NRXN3: variants seen among roughly 807,000 people sequenced by gnomAD.
NRXN3 encodes neurexin 3.
Under a neutral mutation model 137.6 loss-of-function variants are expected in NRXN3, and 32 were observed. The observed-to-expected ratio is 0.23, with a 90% CI of 0.18 to 0.31. The LOEUF is 0.31. Ranked by LOEUF, NRXN3 falls within the 10% of genes least tolerant of loss-of-function variation. The pLI, the probability that NRXN3 is intolerant of heterozygous loss-of-function variation, is 1.00. For synonymous variants in NRXN3, 798 were observed against 784.5 expected (o/e 1.02, Z -0.29); for missense variants, 1,574 against 2,062.5 (o/e 0.76, Z 4.59).
intron 15 of NRXN3, among the ~76,000 whole-genome samples, chr14:79,352,080 G>A (rs2093237288): frequency 6.6e-6 from 1 of 152,192 alleles, no homozygotes; most frequent in Admixed American, 6.6e-5. Context: ...ATTGATGTTG[G>A]TTGCAAATAA....
intron 16 of NRXN3, among the ~76,000 whole-genome samples, chr14:79,514,406 C>A (rs993107029): frequency 6.6e-6 from 1 of 152,112 alleles, no homozygotes; most frequent in South Asian, 2.1e-4. Flanking sequence ...CCATTTTCCT[C>A]AACTTAGTCC....
At chr14:78,374,884 C>T (rs1036073048) in intron 4 of NRXN3, among the ~76,000 whole-genome samples, 2 of 151,924 alleles carry the variant, frequency 1.3e-5, no homozygotes, top group Non-Finnish European at 2.9e-5. Flanking sequence ...TCTATAATCA[C>T]AATCACCACT....
intron 6 of NRXN3, among the ~76,000 whole-genome samples, chr14:78,657,322 A>G (rs563625384): frequency 2.0e-5 from 3 of 152,294 alleles, no homozygotes; most frequent in African/African-American, 7.2e-5. Context: ...ACTCAAGCCC[A>G]TCACAGTTTC....
In NRXN3 at chr14:78,296,393, T is replaced by C. The variant is rs912542235; in HGVS notation, c.728-1438T>C. Among the ~76,000 whole-genome samples, 31 of 152,322 alleles carry C rather than the reference T, an allele frequency of 2.0e-4. No individual in the cohort carries two copies. The Middle Eastern group carries it at 0.01, about 50-fold the overall frequency. On this transcript the variant is annotated intron_variant, in intron 3 of 20. Transcript: ENST00000335750. ...ACCTACTGAATTCATACACCTGTTC[T>C]GTTCCTGTTCCCCTTGCCACATACT...
At chr14:78,413,393 C>A (rs2092946232) in intron 4 of NRXN3, among the ~76,000 whole-genome samples, 1 of 152,228 alleles carries the variant, frequency 6.6e-6, no homozygotes, top group East Asian at 1.9e-4. Context: ...TCAAGCGATT[C>A]TCCTGCCTCA....
intron 17 of NRXN3, among the ~76,000 whole-genome samples, chr14:79,667,247 A>G (rs2098565077): frequency 6.6e-6 from 1 of 152,204 alleles, no homozygotes; most frequent in South Asian, 2.1e-4. Flanking sequence ...TTATTATTTT[A>G]TCAATAACAG....
intron 14 of NRXN3, among the ~76,000 whole-genome samples, chr14:78,971,635 T>C (rs143707033): frequency 3.5e-4 from 54 of 152,202 alleles, no homozygotes; most frequent in Non-Finnish European, 5.9e-4. Context: ...ATTTTATTGA[T>C]TGAGTGAGTG....
chr14:79,127,231 T>C (rs1390657785), intron 15 of NRXN3, among the ~76,000 whole-genome samples: 1 of 152,242 alleles, frequency 6.6e-6, no homozygotes, highest in Non-Finnish European at 1.5e-5. Flanking sequence ...TTTGGTGTTT[T>C]AGACATGAAG....
At chr14:78,537,438 C>T (rs1194131808) in intron 4 of NRXN3, among the ~76,000 whole-genome samples, 2 of 152,156 alleles carry the variant, frequency 1.3e-5, no homozygotes, top group East Asian at 1.9e-4. Context: ...CATATCTTTG[C>T]CCACTTTTTG....
At chr14:78,758,239 A>G (rs1032701983) in intron 8 of NRXN3, among the ~76,000 whole-genome samples, 2 of 152,198 alleles carry the variant, frequency 1.3e-5, no homozygotes, top group African/African-American at 2.4e-5. Flanking sequence ...TAATCTGTAC[A>G]ATGAACGTAT....
intron 16 of NRXN3, among the ~76,000 whole-genome samples, chr14:79,636,121 A>G (rs907044677): frequency 6.6e-6 from 1 of 152,218 alleles, no homozygotes; most frequent in African/African-American, 2.4e-5. Flanking sequence ...TTGAGTTAGG[A>G]TGCATTCTAA....
intron 6 of NRXN3, among the ~76,000 whole-genome samples, chr14:78,682,029 G>A (rs1351160934): frequency 4.0e-5 from 6 of 151,886 alleles, no homozygotes; most frequent in East Asian, 1.9e-4. Context: ...CACCATGCCC[G>A]GCTAATTTTT....
At chr14:78,200,300 G>T (rs190528597) in intron 1 of NRXN3, among the ~76,000 whole-genome samples, 1 of 152,194 alleles carries the variant, frequency 6.6e-6, no homozygotes, top group Non-Finnish European at 1.5e-5. Context: ...TTCAGATATG[G>T]TTGCCGATGC....
intron 4 of NRXN3, among the ~76,000 whole-genome samples, chr14:78,604,059 G>A (rs1006290300): frequency 6.6e-6 from 1 of 152,172 alleles, no homozygotes; most frequent in African/African-American, 2.4e-5. Flanking sequence ...GCAAAGGGAT[G>A]TCTTACACGG....
chr14:79,187,571 A>T (rs1417960082), intron 15 of NRXN3, among the ~76,000 whole-genome samples: 1 of 142,952 alleles, frequency 7.0e-6, no homozygotes, highest in Admixed American at 7.1e-5. Flanking sequence ...AATTTCAGAA[A>T]TTAATGATTC....
chr14:79,358,985 A>G lies in NRXN3; in HGVS notation c.3263-108236A>G, dbSNP rs552653579. ...GGAGGAAGCTACGGTTACAATTCCC[A>G]TAATACATTAATGTATATTTAATAT... On this transcript the variant is annotated intron_variant, in intron 15 of 20. Transcript: ENST00000335750. 2.9e-3 allele frequency among the ~76,000 whole-genome samples: 444 copies of G among 152,256 alleles called. 3 individuals carry two copies. Among genetic ancestry groups the G allele is most frequent in the African/African-American group, 8.8e-3 (367 of 41,540 alleles).
chr14:79,734,096 G>T (rs1298923117), intron 19 of NRXN3, among the ~76,000 whole-genome samples: 1 of 152,080 alleles, frequency 6.6e-6, no homozygotes, highest in African/African-American at 2.4e-5. Context: ...ACGTTGTTTT[G>T]ACAAATTCAT....
intron 15 of NRXN3, among the ~76,000 whole-genome samples, chr14:79,256,869 A>G (rs905156149): frequency 1.3e-5 from 2 of 152,206 alleles, no homozygotes; most frequent in Admixed American, 6.5e-5. Flanking sequence ...GTGTGTGTGT[A>G]TGTGTGTCTG....
intron 15 of NRXN3, among the ~76,000 whole-genome samples, chr14:79,308,984 G>A (rs1428336068): frequency 4.1e-4 from 53 of 127,836 alleles, no homozygotes; most frequent in African/African-American, 1.5e-3. Flanking sequence ...ACATTGTGCA[G>A]GTTAGTTACA....
Sources: gnomAD v4.1 joint callset for allele counts (sites outside exome capture counted in the v4.1 genomes callset) on GRCh38, gnomAD v4.1.1 for gene constraint, MANE v1.5 for transcripts, NCBI Gene and HGNC (gene_info 2026-07-23, HGNC 2026-07-21) for gene names.